GP6: variants seen among roughly 807,000 people sequenced by gnomAD.
GP6 encodes the protein glycoprotein VI platelet, also known as platelet glycoprotein VI.
In GP6, 45 loss-of-function variants were observed where a neutral mutation model predicts 37.3. That is an observed-to-expected ratio of 1.21 (90% CI 0.95 to 1.55). The LOEUF is 1.55. Among genes scored for constraint, GP6 ranks in the 40% most tolerant of loss-of-function variants. The pLI, the probability that GP6 is intolerant of heterozygous loss-of-function variation, is 0.00. For missense variants in GP6, 813 were observed against 760.2 expected (o/e 1.07, Z -0.82); for synonymous variants, 340 against 316.4 (o/e 1.07, Z -0.79).
In GP6 at chr19:55,032,299, G is replaced by A. The variant is rs1180828346; in HGVS notation, c.165C>T (p.Asp55=). 9 of 1,614,118 alleles carry A rather than the reference G, an allele frequency of 5.6e-6. No homozygotes were observed. Among genetic ancestry groups the A allele is most frequent in the Non-Finnish European group, 7.6e-6 (9 of 1,179,978 alleles). Residue 55 remains aspartate, a synonymous_variant, in exon 3 of 8, where the codon GAC becomes GAT. Transcript: ENST00000310373. ...AACTCAGCTTCTCCAGGCGGTACAGGTCCACGCCCGGAGGTCCCTGGCACC... is the reference window on the plus strand; with the variant it reads ...AACTCAGCTTCTCCAGGCGGTACAGATCCACGCCCGGAGGTCCCTGGCACC...
At chr19:55,027,963 C>T in intron 3 of GP6, 101 bp from the exon 4 acceptor site, 2 of 1,183,470 alleles carry the variant, frequency 1.7e-6, no homozygotes, top group African/African-American at 1.5e-5. Flanking sequence ...AGCTTTTTGG[C>T]TGTATCCCTC....
chr19:55,021,997 G>T (rs542429566), intron 5 of GP6, among the ~76,000 whole-genome samples: 54 of 148,518 alleles, frequency 3.6e-4, no homozygotes, highest in South Asian at 2.1e-4. Context: ...CTTTTTAATG[G>T]TTTTTTTTTT....
At chr19:55,032,775 A>C (rs1326677419) in intron 1 of GP6, 2 of 624,538 alleles carry the variant, frequency 3.2e-6, no homozygotes, top group African/African-American at 3.7e-5. Context: ...GATGGAGAAG[A>C]AAGCAGATCC....
At chr19:55,018,546 C>T (rs539772031) in intron 6 of GP6, 106 bp downstream of exon 6, 22 of 801,912 alleles carry the variant, frequency 2.7e-5, no homozygotes, top group Middle Eastern at 2.2e-4. Context: ...TGGTAAGAGA[C>T]GGACAGTTCG....
In GP6 at chr19:55,014,224, C is replaced by T; in HGVS notation, c.1721G>A (p.Gly574Glu). The T allele has an allele frequency of 1.2e-6, 1 of 813,190 alleles. No individual in the cohort carries two copies. The highest frequency in any genetic ancestry group is 2.1e-6 in the Non-Finnish European group (1 of 470,670). The allele number at this position is 813,190 out of a possible 1,614,324, so 50.4% of individuals were successfully genotyped here. ...GCTCAAGCCATTCTCCCACCTCAGC[C>T]CCCTGAGTTGCTGGGAGTATAGGGA... Residue 574 changes from glycine to glutamate, a missense_variant, in exon 8 of 8, where the codon GGG becomes GAG. Coordinates refer to ENST00000310373, the MANE Select transcript of GP6 (RefSeq NM_001083899.2).
In GP6 at chr19:55,022,955, T is replaced by C. The variant is rs145997282; in HGVS notation, c.664+2263A>G. Among the ~76,000 whole-genome samples the C allele has an allele frequency of 5.9e-3, 898 of 152,288 alleles. 9 individuals are homozygous for C. The highest frequency in any genetic ancestry group is 0.021 in the African/African-American group (858 of 41,558). On this transcript the variant is annotated intron_variant, in intron 5 of 7. Transcript: ENST00000310373. Reference sequence around the variant, plus strand: ...CTGCCCAAAGTAATTTATAGATTCATTGCTATTCCCATTGAACTATCATTG... The same window carrying C: ...CTGCCCAAAGTAATTTATAGATTCACTGCTATTCCCATTGAACTATCATTG...
chr19:55,016,667 C>G (rs1183751618), intron 6 of GP6, among the ~76,000 whole-genome samples: 1 of 151,972 alleles, frequency 6.6e-6, no homozygotes, highest in African/African-American at 2.4e-5. Context: ...AGCCACTGCA[C>G]CCGGCCTCCA....
chr19:55,023,871 G>C lies in GP6; in HGVS notation c.664+1347C>G, dbSNP rs148632684. 2.9e-3 allele frequency among the ~76,000 whole-genome samples: 448 copies of C among 152,276 alleles called. 8 individuals carry two copies. Among genetic ancestry groups the C allele is most frequent in the African/African-American group, 0.01 (434 of 41,538 alleles). ...ATACTGGATGATCCCATTTACATCAGATTCTAGAAATGGAAGATTATAGAG... is the reference window on the plus strand; with the variant it reads ...ATACTGGATGATCCCATTTACATCACATTCTAGAAATGGAAGATTATAGAG... On this transcript the variant is annotated intron_variant, in intron 5 of 7. Transcript: ENST00000310373.
intron 1 of GP6, chr19:55,032,812 G>A (rs1568639653): frequency 1.7e-6 from 1 of 605,004 alleles, no homozygotes; most frequent in Non-Finnish European, 3.0e-6. Flanking sequence ...GGAGAGGAGG[G>A]CAAGGCATGG....
Position 55,014,096 on chromosome 19 carries a change from T to C in GP6, c.1849A>G (p.Ile617Val), listed in dbSNP as rs997540639. ...ACGTGCTATGATCAAATCAGGGTAA[T>C]TGACATATTCATCCCTGTATTTTTT... is the stretch of plus-strand genomic sequence containing the variant. Residue 617 changes from isoleucine (I) to valine (V), a missense_variant, in exon 8 of 8, where the codon ATT (isoleucine) becomes GTT (valine). Ile to Val is a conservative substitution (Grantham distance 29). Transcript: ENST00000310373. 3.0e-6 allele frequency: 2 copies of C among 665,418 alleles called. No individual in the cohort carries two copies. The highest frequency in any genetic ancestry group is 1.8e-5 in the African/African-American group (1 of 56,616). The allele number at this position is 665,418 out of a possible 1,614,324, so 41.2% of individuals were successfully genotyped here. A position where few individuals can be genotyped will look rare whatever the true frequency, so the allele number is the denominator to read the frequency against.
At position 55,014,880 on chromosome 19, in the gene GP6, T is replaced by C; in HGVS notation, c.1065A>G (p.Ser355=). 1 of 1,613,972 alleles carries C rather than the reference T, an allele frequency of 6.2e-7. No homozygotes were observed. Among genetic ancestry groups the C allele is most frequent in the Non-Finnish European group, 8.5e-7 (1 of 1,180,016 alleles). ...AGTCTTTGAGTCGCCTCCCATGCCA[T>C]GATCCCTCCCTTGGATACGACCGTG... The change falls in exon 8 of 8, where the codon TCA becomes TCG. Residue 355 remains serine (S), a synonymous_variant. Coordinates refer to ENST00000310373, the MANE Select transcript of GP6 (RefSeq NM_001083899.2).
intron 3 of GP6, among the ~76,000 whole-genome samples, chr19:55,031,748 ATC>A (rs966322297): frequency 1.3e-5 from 2 of 151,686 alleles, no homozygotes; most frequent in Admixed American, 1.3e-4. Context: ...GCGAGACCCT[ATC>A]TCTCTCTCTT....
At position 55,014,785 on chromosome 19, in the gene GP6, G is replaced by C. The variant is rs199813278; in HGVS notation, c.1160C>G (p.Ser387Cys). 1 of 1,613,786 alleles carries C rather than the reference G, an allele frequency of 6.2e-7. No homozygotes were observed. The highest frequency in any genetic ancestry group is 1.1e-5 in the South Asian group (1 of 91,028). The change falls in exon 8 of 8, where the codon TCC (serine) becomes TGC (cysteine). Residue 387 changes from serine (S) to cysteine (C), a missense_variant. Ser to Cys is a moderately radical substitution (Grantham distance 112). Transcript: ENST00000310373. ...GAACGGCTCCCTGATGGAACACCAG[G>C]AGGAGGCAGCATGGCCTCGTTTCCA...
chr19:55,025,258 G>A lies in GP6; in HGVS notation c.624C>T (p.Thr208=). 3 of 1,546,256 alleles carry A rather than the reference G, an allele frequency of 1.9e-6. No individual in the cohort carries two copies. Among genetic ancestry groups the A allele is most frequent in the Non-Finnish European group, 2.6e-6 (3 of 1,141,936 alleles). The change falls in exon 5 of 8, where the codon ACC becomes ACT. Residue 208 remains threonine (T), a synonymous_variant. Transcript: ENST00000310373. ...GTGGTTCTGTTGGTAACCGGCTGGG[G>A]GTCACAGAGGTTCCTGGGAAATCAG...
At chr19:55,035,930 G>A (rs1018763113) in intron 1 of GP6, among the ~76,000 whole-genome samples, 4 of 151,086 alleles carry the variant, frequency 2.6e-5, no homozygotes, top group African/African-American at 4.9e-5. Context: ...AAAATTAGCC[G>A]GGCATGGTGG....
intron 1 of GP6, chr19:55,032,885 CGGTG>C: frequency 2.6e-6 from 1 of 378,290 alleles, no homozygotes; most frequent in South Asian, 2.8e-5. Context: ...GTGTTAGACA[CGGTG>C]GACTCGTTCG....
Position 55,023,381 on chromosome 19 carries a change from A to G in GP6, c.664+1837T>C, listed in dbSNP as rs147419578. ...ATCTCATACTGGATTATGATCCCCA[A>G]TGTTGGAGGTGGGGGCCTGGTGGGA... On this transcript the variant is annotated intron_variant, in intron 5 of 7. Coordinates refer to ENST00000310373, the MANE Select transcript of GP6 (RefSeq NM_001083899.2). Among the ~76,000 whole-genome samples the G allele has an allele frequency of 1.6e-3, 238 of 152,298 alleles. 1 individual carries two copies. The highest frequency in any genetic ancestry group is 2.5e-3 in the Non-Finnish European group (173 of 68,014).
At chr19:55,029,721 T>TAAGA (rs1555802475) in intron 3 of GP6, among the ~76,000 whole-genome samples, 5 of 147,976 alleles carry the variant, frequency 3.4e-5, no homozygotes, top group Non-Finnish European at 7.4e-5. Flanking sequence ...ACCACCAAGA[T>TAAGA]AAAAAAAGGT....
chr19:55,034,322 C>T (rs1483124366), intron 1 of GP6, among the ~76,000 whole-genome samples: 1 of 151,974 alleles, frequency 6.6e-6, no homozygotes. Context: ...TTTGGGAGGC[C>T]AGGGTGGGCG....
Sources: gnomAD v4.1 joint callset for allele counts (sites outside exome capture counted in the v4.1 genomes callset) on GRCh38, gnomAD v4.1.1 for gene constraint, MANE v1.5 for transcripts, NCBI Gene and HGNC (gene_info 2026-07-23, HGNC 2026-07-21) for gene names.